RILPL2: variants seen among roughly 807,000 people sequenced by gnomAD.
RILPL2 encodes Rab interacting lysosomal protein like 2, also known as RILP-like protein 2.
Under a neutral mutation model 22.2 loss-of-function variants are expected in RILPL2, and 19 were observed. That is an observed-to-expected ratio of 0.86 (90% CI 0.60 to 1.25). The LOEUF (loss-of-function observed/expected upper bound fraction) is 1.25, where lower values mean the gene tolerates loss of function less well. Ranked by LOEUF, RILPL2 falls within the 50% of genes most tolerant of loss-of-function variation. RILPL2 has a pLI of 0.00. For missense variants in RILPL2, 243 were observed against 263.6 expected (o/e 0.92, Z 0.54); for synonymous variants, 123 against 111.6 (o/e 1.10, Z -0.64).
intron 3 of RILPL2, among the ~76,000 whole-genome samples, chr12:123,416,563 C>T (rs965263461): frequency 6.6e-6 from 1 of 151,998 alleles, no homozygotes; most frequent in Admixed American, 6.6e-5. Flanking sequence ...TGGCATAAAC[C>T]CGGGAGGCGG....
At chr12:123,425,722 T>C (rs1879426644) in intron 2 of RILPL2, among the ~76,000 whole-genome samples, 1 of 150,698 alleles carries the variant, frequency 6.6e-6, no homozygotes, top group Non-Finnish European at 1.5e-5. Context: ...CGATCTTGGC[T>C]CACTGCAACC....
chr12:123,432,638 C>A (rs1879683450), intron 1 of RILPL2, among the ~76,000 whole-genome samples: 1 of 152,230 alleles, frequency 6.6e-6, no homozygotes, highest in African/African-American at 2.4e-5. Flanking sequence ...AATATGCCAT[C>A]TCATCTGCCG....
the RILPL2 span, among the ~76,000 whole-genome samples, chr12:123,409,861 T>C: frequency 6.6e-6 from 1 of 151,980 alleles, no homozygotes; most frequent in South Asian, 2.1e-4. Context: ...GTAGCTGGGA[T>C]TACAGGCGCC....
At chr12:123,427,125 C>A (rs1371335508) in intron 2 of RILPL2, among the ~76,000 whole-genome samples, 1 of 152,120 alleles carries the variant, frequency 6.6e-6, no homozygotes, top group African/African-American at 2.4e-5. Flanking sequence ...TTATGGTTGG[C>A]TCTGTGGTCC....
chr12:123,416,557 A>G (rs1006746006), intron 3 of RILPL2, among the ~76,000 whole-genome samples: 11 of 148,360 alleles, frequency 7.4e-5, no homozygotes, highest in South Asian at 2.2e-4. Flanking sequence ...GGAGAATGGC[A>G]TAAACCCGGG....
At chr12:123,409,494 C>G in the RILPL2 span, 3 of 151,124 alleles carry the variant, frequency 2.0e-5, no homozygotes, top group East Asian at 5.8e-4. Context: ...TGAGCTCTTT[C>G]GTTTCCTCAT....
Position 123,415,941 on chromosome 12 carries a change from G to C in RILPL2, c.606-20C>G, listed in dbSNP as rs773144770. The C allele has an allele frequency of 3.7e-6, 6 of 1,613,624 alleles. No homozygotes were observed. The highest frequency in any genetic ancestry group is 4.2e-6 in the Non-Finnish European group (5 of 1,179,616). On this transcript the variant is annotated intron_variant, in intron 3 of 3. Transcript: ENST00000280571. ...AAGAACCTGGTGTGGAGAGAGAGAGGGTTCAGGGTAAGCAGAAGGAACAAA... is the reference window on the plus strand; with the variant it reads ...AAGAACCTGGTGTGGAGAGAGAGAGCGTTCAGGGTAAGCAGAAGGAACAAA...
rs566430658 is a variant in RILPL2, at chr12:123,434,572, C to T, written c.339+1510G>A. 3.3e-5 allele frequency among the ~76,000 whole-genome samples: 5 copies of T among 151,882 alleles called. No individual in the cohort carries two copies. The South Asian group carries it at 8.3e-4, about 25-fold the overall frequency. On this transcript the variant is annotated intron_variant, in intron 1 of 3. Transcript: ENST00000280571. ...CCGAGTAGCTGGGATTACAGGCACC[C>T]GCCACCACGCCCGGCTAATTTTTTT...
chr12:123,411,822 C>G (rs989363555), downstream of RILPL2: 8 of 151,922 alleles, frequency 5.3e-5, no homozygotes, highest in Admixed American at 4.6e-4. Context: ...CTGCACCCGG[C>G]GAAAACCTAC....
At chr12:123,418,790 C>G (rs1879191045) in intron 3 of RILPL2, among the ~76,000 whole-genome samples, 1 of 103,878 alleles carries the variant, frequency 9.6e-6, no homozygotes, top group Non-Finnish European at 1.8e-5. Flanking sequence ...GAGACAGAGT[C>G]TTGCTCTGTT....
At chr12:123,424,512 G>T (rs1879378719) in intron 2 of RILPL2, among the ~76,000 whole-genome samples, 1 of 151,840 alleles carries the variant, frequency 6.6e-6, no homozygotes, top group Admixed American at 6.6e-5. Flanking sequence ...TGTATTTTTA[G>T]CAGAGACAGG....
downstream of RILPL2, chr12:123,411,552 C>CTTTTTTTTTTTTTTTTTTTTT (rs557553934): frequency 1.2e-5 from 1 of 86,214 alleles, no homozygotes; most frequent in African/African-American, 5.1e-5. Flanking sequence ...GCTTGAAAAC[C>CTTTTTTTTTTTTTTTTTTTTT]TTTTTTTTTT....
Position 123,420,621 on chromosome 12 carries a change from G to C in RILPL2, c.605+2423C>G, listed in dbSNP as rs141557105. Among the ~76,000 whole-genome samples, 582 of 151,578 alleles carry C rather than the reference G, an allele frequency of 3.8e-3. 1 individual carries two copies. Among genetic ancestry groups the C allele is most frequent in the East Asian group, 0.031 (159 of 5,096 alleles). On this transcript the variant is annotated intron_variant, in intron 3 of 3. Coordinates refer to ENST00000280571, the MANE Select transcript of RILPL2 (RefSeq NM_145058.3). ...CCGGCTAATTTTTGTATTTTTAGTA[G>C]AGACGGGGCTTCACCATGTTGGCTA...
intron 2 of RILPL2, among the ~76,000 whole-genome samples, chr12:123,424,587 T>C (rs950732749): frequency 1.3e-5 from 2 of 152,204 alleles, no homozygotes; most frequent in Non-Finnish European, 2.9e-5. Context: ...CGCCTTGGCC[T>C]CCCAAAGTGT....
At chr12:123,422,007 T>C (rs912423669) in intron 3 of RILPL2, among the ~76,000 whole-genome samples, 9 of 145,082 alleles carry the variant, frequency 6.2e-5, no homozygotes, top group East Asian at 2.0e-4. Flanking sequence ...TTCTCTCTCT[T>C]TTTTTTTTTT....
In RILPL2 at chr12:123,430,605, G is replaced by A. The variant is rs751361603; in HGVS notation, c.394C>T (p.Arg132Cys). The change falls in exon 2 of 4, where the codon CGC (arginine) becomes TGC (cysteine). Residue 132 changes from arginine to cysteine, a missense_variant. Physicochemically the swap from Arg to Cys is radical, Grantham distance 180. Transcript: ENST00000280571. ...VVDLTDPNRPRFTLQELRDVL... is the reference protein window; with the variant it reads ...VVDLTDPNRPCFTLQELRDVL... ...TCCCTTAGCTCCTGCAGAGTGAAGCGGGGTCGGTTGGGATCTGTCAGGTCA... is the reference window on the plus strand; with the variant it reads ...TCCCTTAGCTCCTGCAGAGTGAAGCAGGGTCGGTTGGGATCTGTCAGGTCA... The A allele has an allele frequency of 6.8e-6, 11 of 1,611,632 alleles. No homozygotes were observed. Among genetic ancestry groups the A allele is most frequent in the African/African-American group, 2.7e-5 (2 of 74,802 alleles).
At position 123,415,707 on chromosome 12, in the gene RILPL2, G is replaced by A. The variant is rs1879097879; in HGVS notation, c.*184C>T. On this transcript the variant is annotated 3_prime_UTR_variant, in exon 4 of 4. Coordinates refer to ENST00000280571, the MANE Select transcript of RILPL2 (RefSeq NM_145058.3). ...CAGGCCAAATCTTCAAGGGTGTCTA[G>A]TTCTGCAGCCAGGGAGAAAGTGATG... The A allele has an allele frequency of 4.2e-6, 3 of 714,458 alleles. No homozygotes were observed. Among genetic ancestry groups the A allele is most frequent in the Non-Finnish European group, 7.6e-6 (3 of 397,108 alleles). The allele number at this position is 714,458 out of a possible 1,614,324, so 44.3% of individuals were successfully genotyped here.
intron 1 of RILPL2, among the ~76,000 whole-genome samples, chr12:123,430,995 G>A (rs192199868): frequency 2.6e-5 from 4 of 152,178 alleles, no homozygotes; most frequent in African/African-American, 7.2e-5. Context: ...CACCGCGCCC[G>A]GCCTACGCCT....
the RILPL2 span, chr12:123,409,414 T>G: frequency 6.6e-6 from 1 of 152,408 alleles, no homozygotes; most frequent in African/African-American, 2.4e-5. Flanking sequence ...ATGTCTAAGC[T>G]TTGGTAAGCA....
Sources: allele counts gnomAD v4.1 joint callset (sites outside exome capture counted in the v4.1 genomes callset), GRCh38; gene constraint gnomAD v4.1.1; transcripts MANE v1.5; gene names NCBI Gene and HGNC (gene_info 2026-07-23, HGNC 2026-07-21).